Variants in SWAP70 observed in about 807,000 individuals in gnomAD.
SWAP70 encodes the protein switching B cell complex subunit SWAP70.
In SWAP70, 34 loss-of-function variants were observed where a neutral mutation model predicts 80.2. That is an observed-to-expected ratio of 0.42 (90% CI 0.32 to 0.56). The LOEUF (loss-of-function observed/expected upper bound fraction) is 0.56, where lower values mean the gene tolerates loss of function less well. SWAP70 is among the 20% of genes least tolerant of loss of function. The pLI, the probability that SWAP70 is intolerant of heterozygous loss-of-function variation, is 0.09. For synonymous variants in SWAP70, 239 were observed against 238.5 expected (o/e 1.00, Z -0.02); for missense variants, 578 against 690.7 (o/e 0.84, Z 1.83).
chr11:9,709,725 G>A (rs762274584), intron 2 of SWAP70, among the ~76,000 whole-genome samples: 43 of 152,032 alleles, frequency 2.8e-4, no homozygotes, highest in Non-Finnish European at 2.4e-4. Context: ...CTGAACTCAA[G>A]CGATCCACCT....
At chr11:9,704,861 A>G (rs1850880001) in intron 2 of SWAP70, among the ~76,000 whole-genome samples, 1 of 152,230 alleles carries the variant, frequency 6.6e-6, no homozygotes, top group South Asian at 2.1e-4. Context: ...ATATTTGCAT[A>G]TCCACAGATA....
At position 9,725,549 on chromosome 11, in the gene SWAP70, ATATATATATATATATATATATTTT is replaced by A. The variant is rs1478940690; in HGVS notation, c.642+666_642+689del. Among the ~76,000 whole-genome samples the A allele has an allele frequency of 2.0e-3, 39 of 19,228 alleles. 2 individuals carry two copies. Among genetic ancestry groups the A allele is most frequent in the African/African-American group, 4.7e-3 (33 of 7,026 alleles). The allele number at this position is 19,228 out of a possible 152,430, so 12.6% of individuals were successfully genotyped here. A position where few individuals can be genotyped will look rare whatever the true frequency, so the allele number is the denominator to read the frequency against. ...ATACAAAATATATATATATATATAT[ATATATATATATATATATATATTTT>A]TTTTTTTTTTTTTTTCCAAGACGGA... On this transcript the variant is annotated intron_variant, in intron 4 of 11. Coordinates refer to ENST00000318950, the MANE Select transcript of SWAP70 (RefSeq NM_015055.4).
intron 1 of SWAP70, among the ~76,000 whole-genome samples, chr11:9,665,689 A>G (rs1438551329): frequency 6.6e-6 from 1 of 152,200 alleles, no homozygotes; most frequent in Non-Finnish European, 1.5e-5. Flanking sequence ...AGATTAATCC[A>G]TTTTGTTGTG....
intron 1 of SWAP70, among the ~76,000 whole-genome samples, chr11:9,678,958 C>T (rs1590013262): frequency 6.6e-6 from 1 of 152,092 alleles, no homozygotes; most frequent in East Asian, 1.9e-4. Context: ...ACTATTTTTC[C>T]TGCTCTACTT....
At chr11:9,698,974 G>C (rs1461848706) in intron 2 of SWAP70, among the ~76,000 whole-genome samples, 1 of 151,832 alleles carries the variant, frequency 6.6e-6, no homozygotes, top group Non-Finnish European at 1.5e-5. Flanking sequence ...ATTAACTATA[G>C]TTATCATGTG....
intron 2 of SWAP70, among the ~76,000 whole-genome samples, chr11:9,695,438 C>T (rs529983253): frequency 3.4e-4 from 51 of 152,150 alleles, no homozygotes; most frequent in African/African-American, 1.1e-3. Context: ...TACTATGCTG[C>T]CCTAAAAAAG....
At chr11:9,731,751 A>C (rs1231795844) in intron 6 of SWAP70, among the ~76,000 whole-genome samples, 2 of 152,224 alleles carry the variant, frequency 1.3e-5, no homozygotes, top group East Asian at 3.8e-4. Flanking sequence ...TTATTTGTAT[A>C]GGCTTATACT....
At chr11:9,683,045 A>G (rs956894928) in intron 1 of SWAP70, among the ~76,000 whole-genome samples, 4 of 152,176 alleles carry the variant, frequency 2.6e-5, no homozygotes, top group Non-Finnish European at 4.4e-5. Flanking sequence ...AAATGACCAG[A>G]TTGGGAGAAT....
intron 1 of SWAP70, among the ~76,000 whole-genome samples, chr11:9,690,616 G>T (rs748916176): frequency 6.6e-6 from 1 of 151,992 alleles, no homozygotes; most frequent in African/African-American, 2.4e-5. Flanking sequence ...ACTGGGCATG[G>T]TGGCTCATGT....
intron 1 of SWAP70, among the ~76,000 whole-genome samples, chr11:9,685,270 A>G (rs541524836): frequency 6.6e-6 from 1 of 152,102 alleles, no homozygotes; most frequent in African/African-American, 2.4e-5. Flanking sequence ...AATTTTATCA[A>G]CTTTATAGTT....
At chr11:9,747,798 T>G in intron 9 of SWAP70, 60 bp from the exon 10 acceptor site, 1 of 1,528,718 alleles carries the variant, frequency 6.5e-7, no homozygotes, top group Admixed American at 1.7e-5. Flanking sequence ...TTCCCTCGTC[T>G]GCTGGGTCAG....
chr11:9,714,455 C>G (rs991755584), intron 3 of SWAP70, among the ~76,000 whole-genome samples: 5 of 152,212 alleles, frequency 3.3e-5, no homozygotes, highest in Admixed American at 1.3e-4. Flanking sequence ...ACTCTTAAGA[C>G]TACTCTTATT....
intron 1 of SWAP70, among the ~76,000 whole-genome samples, chr11:9,667,690 G>A (rs892022012): frequency 2.9e-5 from 4 of 136,240 alleles, no homozygotes; most frequent in African/African-American, 1.0e-4. Context: ...AGACTCCCAC[G>A]TAGATGGGAC....
chr11:9,728,602 G>C (rs920729710), intron 5 of SWAP70, among the ~76,000 whole-genome samples: 12 of 152,184 alleles, frequency 7.9e-5, no homozygotes, highest in African/African-American at 2.9e-4. Flanking sequence ...GAAGATGTAA[G>C]CATTGTCTTT....
At chr11:9,691,759 T>C (rs928210321) in intron 1 of SWAP70, among the ~76,000 whole-genome samples, 1 of 152,172 alleles carries the variant, frequency 6.6e-6, no homozygotes, top group African/African-American at 2.4e-5. Context: ...TCACCATTTA[T>C]AAGATGAGGA....
intron 3 of SWAP70, among the ~76,000 whole-genome samples, chr11:9,723,809 C>T (rs1423644746): frequency 7.7e-6 from 1 of 130,542 alleles, no homozygotes; most frequent in Non-Finnish European, 1.6e-5. Context: ...GAGTCTTGCT[C>T]TTGCCCAGGC....
chr11:9,730,934 A>C (rs766392232), intron 6 of SWAP70, among the ~76,000 whole-genome samples: 1 of 151,964 alleles, frequency 6.6e-6, no homozygotes, highest in African/African-American at 2.4e-5. Flanking sequence ...CCCCGTCTCT[A>C]CCTCCCGTCC....
At position 9,724,665 on chromosome 11, in the gene SWAP70, A is replaced by G. The variant is rs1426449903; in HGVS notation, c.422A>G (p.Tyr141Cys). The change falls in exon 4 of 12, where the codon TAC (tyrosine) becomes TGC (cysteine). Residue 141 changes from tyrosine to cysteine, a missense_variant. By Grantham distance (194) the Tyr-to-Cys change is radical. Coordinates refer to ENST00000318950, the MANE Select transcript of SWAP70 (RefSeq NM_015055.4). ...PLIIVSEEIEYLLKKLTEAMG... is the reference protein window; with the variant it reads ...PLIIVSEEIECLLKKLTEAMG... ...TTCACATTCTTTATGTAGATTGAAT[A>G]CCTGCTTAAGAAGCTTACAGAAGCT... The G allele has an allele frequency of 1.2e-6, 2 of 1,609,376 alleles. No individual in the cohort carries two copies. The highest frequency in any genetic ancestry group is 1.3e-5 in the African/African-American group (1 of 74,706).
intron 2 of SWAP70, chr11:9,703,413 TGCC>T (rs1238777340): frequency 2.2e-6 from 1 of 456,316 alleles, no homozygotes; most frequent in Non-Finnish European, 4.4e-6. Context: ...AGACCCTTCC[TGCC>T]TCAGAGCCTT....
Sources: gnomAD v4.1 joint callset for allele counts (sites outside exome capture counted in the v4.1 genomes callset) on GRCh38, gnomAD v4.1.1 for gene constraint, MANE v1.5 for transcripts, NCBI Gene and HGNC (gene_info 2026-07-23, HGNC 2026-07-21) for gene names.